The following GALNT17 variants were observed in gnomAD, a reference collection of about 807,000 sequenced individuals.
The protein encoded by GALNT17 is UDP-GalNAc:polypeptide N-acetylgalactosaminyltransferase-like 3.
GALNT17 carries 29 observed loss-of-function variants against 63.7 expected under a neutral mutation model. The ratio of observed to expected loss-of-function variants is 0.46; its 90% confidence interval spans 0.34 to 0.62. The LOEUF (loss-of-function observed/expected upper bound fraction) is 0.62, where lower values mean the gene tolerates loss of function less well. GALNT17 is among the 20% of genes least tolerant of loss of function. The pLI is 0.01. For synonymous variants in GALNT17, 305 were observed against 318.3 expected, an observed-to-expected ratio of 0.96 and a Z score of 0.45; for missense variants, 603 against 799.6, an observed-to-expected ratio of 0.75 and a Z score of 2.97.
chr7:71,673,203 A>G (rs533514705), intron 8 of GALNT17, among the ~76,000 whole-genome samples: 23 of 152,318 alleles, frequency 1.5e-4, no homozygotes, highest in African/African-American at 5.5e-4. Context: ...TCCCAAGCAA[A>G]TAATCTGAAA....
chr7:71,589,397 G>A (rs778861026), intron 6 of GALNT17, among the ~76,000 whole-genome samples: 2 of 152,020 alleles, frequency 1.3e-5, no homozygotes, highest in Non-Finnish European at 2.9e-5. Context: ...GGGCAAAATA[G>A]GGAGACCCGT....
chr7:71,549,270 A>G (rs1789036028), intron 5 of GALNT17, among the ~76,000 whole-genome samples: 1 of 152,200 alleles, frequency 6.6e-6, no homozygotes, highest in Admixed American at 6.6e-5. Flanking sequence ...CTACAAGACC[A>G]TTAGAAAAGA....
intron 6 of GALNT17, among the ~76,000 whole-genome samples, chr7:71,590,926 A>AT (rs1789790168): frequency 6.6e-6 from 1 of 152,040 alleles, no homozygotes; most frequent in Non-Finnish European, 1.5e-5. Flanking sequence ...AGCACAGCTA[A>AT]TTTTTTGTAT....
chr7:71,556,765 C>G (rs61700763), intron 5 of GALNT17, among the ~76,000 whole-genome samples: 45,137 of 151,808 alleles, frequency 0.3, 8,136 homozygotes, highest in Middle Eastern at 0.4. Flanking sequence ...AGGGTTTCAC[C>G]ATGTTGGCCA....
chr7:71,192,903 CAT>C (rs911188414), intron 1 of GALNT17, among the ~76,000 whole-genome samples: 6 of 152,018 alleles, frequency 3.9e-5, no homozygotes, highest in Non-Finnish European at 7.4e-5. Context: ...GGTTCCGTCA[CAT>C]GTGTTGCCTT....
At chr7:71,221,278 G>T (rs1329488334) in intron 1 of GALNT17, among the ~76,000 whole-genome samples, 2 of 151,828 alleles carry the variant, frequency 1.3e-5, no homozygotes, top group African/African-American at 4.8e-5. Context: ...TTTCATGGCT[G>T]CATAGTATTT....
Position 71,590,813 on chromosome 7 carries a change from C to T in GALNT17, c.1080+19411C>T, listed in dbSNP as rs191303066. Among the ~76,000 whole-genome samples, 146 of 152,198 alleles carry T rather than the reference C, an allele frequency of 9.6e-4. 5 individuals are homozygous for T. The East Asian group carries it at 0.025, about 26-fold the overall frequency. Reference sequence around the variant, plus strand: ...CTCGATCTCGGCTCACTGGAACCTCCGCCTCCTGAGTTCAAGCGATTCTCC... The same window carrying T: ...CTCGATCTCGGCTCACTGGAACCTCTGCCTCCTGAGTTCAAGCGATTCTCC... On this transcript the variant is annotated intron_variant, in intron 6 of 10. Coordinates refer to ENST00000333538, the MANE Select transcript of GALNT17 (RefSeq NM_022479.3).
chr7:71,198,496 C>G (rs991217492), intron 1 of GALNT17, among the ~76,000 whole-genome samples: 2 of 152,144 alleles, frequency 1.3e-5, no homozygotes. Context: ...GAGAAGAAGC[C>G]AAAAAGTCTT....
intron 9 of GALNT17, among the ~76,000 whole-genome samples, chr7:71,679,576 A>G (rs1791205280): frequency 1.3e-5 from 2 of 152,082 alleles, no homozygotes; most frequent in Admixed American, 6.6e-5. Flanking sequence ...AGAAATCTAC[A>G]GTAGAATAAG....
At chr7:71,528,105 C>A (rs1329023800) in intron 5 of GALNT17, among the ~76,000 whole-genome samples, 1 of 152,136 alleles carries the variant, frequency 6.6e-6, no homozygotes, top group Admixed American at 6.5e-5. Flanking sequence ...ACAGAATTAT[C>A]GAATGCCTTT....
intron 5 of GALNT17, among the ~76,000 whole-genome samples, chr7:71,445,772 C>A (rs1787150940): frequency 6.6e-6 from 1 of 152,168 alleles, no homozygotes; most frequent in South Asian, 2.1e-4. Context: ...CTTTGCTTCC[C>A]ACAGGACCTT....
chr7:71,426,066 T>C (rs1402876788), intron 5 of GALNT17, among the ~76,000 whole-genome samples: 1 of 152,176 alleles, frequency 6.6e-6, no homozygotes, highest in Non-Finnish European at 1.5e-5. Context: ...AAAGGGATGG[T>C]GCTAATGCAT....
intron 2 of GALNT17, among the ~76,000 whole-genome samples, chr7:71,377,578 C>T (rs1792767037): frequency 6.6e-6 from 1 of 152,094 alleles, no homozygotes; most frequent in Admixed American, 6.6e-5. Context: ...TGAATTCTCT[C>T]CCCAGCAAAA....
intron 5 of GALNT17, among the ~76,000 whole-genome samples, chr7:71,511,529 C>A (rs1238367329): frequency 6.6e-6 from 1 of 152,174 alleles, no homozygotes. Flanking sequence ...GCAATGGATT[C>A]CTGCAAGGCT....
At chr7:71,235,143 C>T (rs142959300) in intron 1 of GALNT17, among the ~76,000 whole-genome samples, 1,643 of 151,552 alleles carry the variant, frequency 0.011, 34 homozygotes, top group African/African-American at 0.038. Flanking sequence ...CCCAGCTACT[C>T]GGGAGGCTGA....
At chr7:71,519,216 G>T (rs909854369) in intron 5 of GALNT17, among the ~76,000 whole-genome samples, 1 of 152,120 alleles carries the variant, frequency 6.6e-6, no homozygotes, top group African/African-American at 2.4e-5. Context: ...AGGGATGCAG[G>T]ATTCGAGAGG....
chr7:71,146,902 G>A (rs1034534107), intron 1 of GALNT17, among the ~76,000 whole-genome samples: 1 of 152,164 alleles, frequency 6.6e-6, no homozygotes, highest in Non-Finnish European at 1.5e-5. Context: ...ATGGGGAACA[G>A]GGTTCCAGAA....
chr7:71,207,583 G>A (rs1410867397), intron 1 of GALNT17, among the ~76,000 whole-genome samples: 2 of 152,288 alleles, frequency 1.3e-5, no homozygotes, highest in Middle Eastern at 3.4e-3. Flanking sequence ...GGGTAGGGAG[G>A]TAGGGTACAC....
intron 5 of GALNT17, among the ~76,000 whole-genome samples, chr7:71,421,379 C>T (rs567501459): frequency 5.3e-5 from 8 of 152,260 alleles, no homozygotes; most frequent in South Asian, 4.1e-4. Context: ...TATTCTTCCT[C>T]GTATAGGAGG....
Sources: allele counts gnomAD v4.1 joint callset (sites outside exome capture counted in the v4.1 genomes callset), GRCh38; gene constraint gnomAD v4.1.1; transcripts MANE v1.5; gene names NCBI Gene and HGNC (gene_info 2026-07-23, HGNC 2026-07-21).